LRFN2: variants seen among roughly 807,000 people sequenced by gnomAD.
The protein encoded by LRFN2 is leucine-rich repeat and fibronectin type-III domain-containing protein 2.
In LRFN2, 18 loss-of-function variants were observed where a neutral mutation model predicts 37.3. The observed-to-expected ratio is 0.48, with a 90% CI of 0.33 to 0.72. The LOEUF is 0.72. Among genes scored for constraint, LRFN2 ranks in the 30% least tolerant of loss-of-function variants. The probability of loss-of-function intolerance (pLI) is 0.02; values close to 1 mark genes in which losing one functional copy is unlikely to be tolerated. For missense variants in LRFN2, 1,006 were observed against 1,060.7 expected (o/e 0.95, Z 0.72); for synonymous variants, 556 against 466.6 (o/e 1.19, Z -2.47).
rs1206460344 is a variant in LRFN2, at chr6:40,392,010, T to C, written c.2303A>G (p.Glu768Gly). ...CCCCCGGGCCCCCACCAGGTCACTC[T>C]CCTCAAAGGGCAAGAGCATGCCGTT... Reference protein sequence around the residue: ...SVNGMLLPFEESDLVGARGTF... With the variant: ...SVNGMLLPFEGSDLVGARGTF... Residue 768 changes from glutamate (E) to glycine (G), a missense_variant, in exon 3 of 3, where the codon GAG becomes GGG. By Grantham distance (98) the Glu-to-Gly change is moderately conservative. Transcript: ENST00000338305. The surrounding 1 kb of genome is among the most constrained non-coding windows in gnomAD (Gnocchi z 4.7). 2.5e-6 allele frequency: 4 copies of C among 1,610,026 alleles called. No individual in the cohort carries two copies. The highest frequency in any genetic ancestry group is 1.7e-5 in the Admixed American group (1 of 59,562).
intron 2 of LRFN2, among the ~76,000 whole-genome samples, chr6:40,421,398 C>T (rs1019012601): frequency 2.0e-5 from 3 of 152,156 alleles, no homozygotes; most frequent in African/African-American, 7.2e-5. Context: ...AGACCTAATA[C>T]ATCAATCAAT....
chr6:40,478,342 C>G (rs1299203532), intron 1 of LRFN2, among the ~76,000 whole-genome samples: 1 of 152,204 alleles, frequency 6.6e-6, no homozygotes, highest in East Asian at 1.9e-4. Flanking sequence ...TTAATTGCCA[C>G]CATTATCACC....
intron 2 of LRFN2, among the ~76,000 whole-genome samples, chr6:40,409,476 T>A (rs1397296719): frequency 1.3e-5 from 2 of 152,186 alleles, no homozygotes; most frequent in Non-Finnish European, 2.9e-5. Flanking sequence ...TGAGAGTATG[T>A]TTATGCAATA....
chr6:40,556,154 T>C (rs548996486), intron 1 of LRFN2, among the ~76,000 whole-genome samples: 21 of 152,270 alleles, frequency 1.4e-4, no homozygotes, highest in African/African-American at 4.8e-4. Context: ...AGAATTGGCC[T>C]TATGGTTCTA....
At chr6:40,579,392 T>G (rs1377933669) in intron 1 of LRFN2, among the ~76,000 whole-genome samples, 2 of 152,130 alleles carry the variant, frequency 1.3e-5, no homozygotes, top group African/African-American at 4.8e-5. Flanking sequence ...AATCTCTTCA[T>G]CCTATCAGTT....
chr6:40,574,839 T>TG (rs1767248313), intron 1 of LRFN2, among the ~76,000 whole-genome samples: 1 of 151,644 alleles, frequency 6.6e-6, no homozygotes, highest in Non-Finnish European at 1.5e-5. Flanking sequence ...CTCCTTGGAG[T>TG]CATGGGACTC....
At chr6:40,585,068 CAGA>C (rs964660349) in intron 1 of LRFN2, among the ~76,000 whole-genome samples, 2 of 152,248 alleles carry the variant, frequency 1.3e-5, no homozygotes, top group East Asian at 1.9e-4. Context: ...TGGCACTTCA[CAGA>C]AGAAGGAGCC....
chr6:40,470,060 ATTGGGTGATCATGGGCCCC>A (rs1364581563), intron 1 of LRFN2, among the ~76,000 whole-genome samples: 2 of 152,146 alleles, frequency 1.3e-5, no homozygotes, highest in African/African-American at 4.8e-5. Context: ...AGAGCATCAC[ATTGGGTGATCATGGGCCCC>A]TTGGCACCTA....
chr6:40,501,438 C>G (rs1765379410), intron 1 of LRFN2, among the ~76,000 whole-genome samples: 1 of 151,746 alleles, frequency 6.6e-6, no homozygotes, highest in South Asian at 2.1e-4. Flanking sequence ...TTCCCATCAG[C>G]CTCTCAAGTA....
At chr6:40,415,710 A>G (rs1344438805) in intron 2 of LRFN2, among the ~76,000 whole-genome samples, 1 of 152,180 alleles carries the variant, frequency 6.6e-6, no homozygotes, top group Non-Finnish European at 1.5e-5. Flanking sequence ...GGGAGATGCG[A>G]GTTGCAGGAG....
intron 1 of LRFN2, among the ~76,000 whole-genome samples, chr6:40,539,146 A>G (rs893607122): frequency 2.0e-5 from 3 of 150,428 alleles, no homozygotes; most frequent in African/African-American, 7.3e-5. Context: ...CACCCACCCC[A>G]ACTACCTGGC....
chr6:40,561,684 C>T (rs1054615733), intron 1 of LRFN2, among the ~76,000 whole-genome samples: 3 of 152,222 alleles, frequency 2.0e-5, no homozygotes, highest in Non-Finnish European at 4.4e-5. Flanking sequence ...GAAAAGCTGA[C>T]ATAAAAGCAA....
chr6:40,577,095 T>TCTC lies in LRFN2; in HGVS notation c.-19+9845_-19+9846insGAG, dbSNP rs1561913872. ...CAAGGCCCATTTTCTTTTCTTTTCT[T>TCTC]TTCTTTTCCTTTCTTTTCTTTTTAG... On this transcript the variant is annotated intron_variant, in intron 1 of 2. Transcript: ENST00000338305. 5.7e-5 allele frequency among the ~76,000 whole-genome samples: 7 copies of TCTC among 122,978 alleles called. 1 individual carries two copies. In the East Asian group the frequency reaches 7.1e-4, roughly 12 times the overall value. The allele number at this position is 122,978 out of a possible 152,430, so 80.7% of individuals were successfully genotyped here.
At chr6:40,409,779 G>A (rs559112502) in intron 2 of LRFN2, among the ~76,000 whole-genome samples, 210 of 152,300 alleles carry the variant, frequency 1.4e-3, no homozygotes, top group Admixed American at 4.8e-3. Flanking sequence ...ATGAGTGACC[G>A]AGAAACTTAT....
At chr6:40,519,334 C>T (rs1281414255) in intron 1 of LRFN2, among the ~76,000 whole-genome samples, 1 of 152,210 alleles carries the variant, frequency 6.6e-6, no homozygotes, top group Non-Finnish European at 1.5e-5. Flanking sequence ...AGGACTCAAA[C>T]ACTGGTATGG....
chr6:40,534,673 T>C (rs1303580676), intron 1 of LRFN2, among the ~76,000 whole-genome samples: 2 of 152,152 alleles, frequency 1.3e-5, no homozygotes, highest in Non-Finnish European at 2.9e-5. Flanking sequence ...GCCTGACACA[T>C]ATCAGGTATT....
intron 1 of LRFN2, among the ~76,000 whole-genome samples, chr6:40,490,969 G>T (rs575114352): frequency 6.6e-6 from 1 of 152,330 alleles, no homozygotes; most frequent in Non-Finnish European, 1.5e-5. Context: ...AGGGGTATGT[G>T]CATGGTGTGC....
At chr6:40,543,442 T>C (rs1766593164) in intron 1 of LRFN2, among the ~76,000 whole-genome samples, 1 of 152,172 alleles carries the variant, frequency 6.6e-6, no homozygotes, top group Non-Finnish European at 1.5e-5. Context: ...GTCCTGAACA[T>C]CTGTATCTTC....
chr6:40,401,692 A>G (rs1762744912), intron 2 of LRFN2, among the ~76,000 whole-genome samples: 1 of 152,150 alleles, frequency 6.6e-6, no homozygotes. Flanking sequence ...TTTGTGTAAG[A>G]GGAAGACATT....
Sources: gnomAD v4.1 joint callset for allele counts (sites outside exome capture counted in the v4.1 genomes callset) on GRCh38, gnomAD v4.1.1 for gene constraint, Gnocchi (gnomAD v3.1) non-coding constraint, MANE v1.5 for transcripts, NCBI Gene and HGNC (gene_info 2026-07-23, HGNC 2026-07-21) for gene names.